ITGAL: variants seen among roughly 807,000 people sequenced by gnomAD.
The protein encoded by ITGAL is integrin alpha-L.
A neutral mutation model predicts 138.4 loss-of-function variants in ITGAL; 68 were observed. The ratio of observed to expected loss-of-function variants is 0.49; its 90% CI spans 0.40 to 0.60. ITGAL has a LOEUF of 0.60. Among genes scored for constraint, ITGAL ranks in the 20% least tolerant of loss-of-function variants. The pLI, the probability that ITGAL is intolerant of heterozygous loss-of-function variation, is 0.00. For missense variants in ITGAL, 1,256 were observed against 1,478.6 expected, an observed-to-expected ratio of 0.85 and a Z score of 2.47; for synonymous variants, 561 against 584.3, an observed-to-expected ratio of 0.96 and a Z score of 0.57.
chr16:30,496,435 G>A lies in ITGAL; in HGVS notation c.1702-1G>A, dbSNP rs774445571. On this transcript the variant is annotated splice_acceptor_variant, in intron 14 of 30. Coordinates refer to ENST00000356798, the MANE Select transcript of ITGAL (RefSeq NM_002209.3). LOFTEE classifies it high-confidence loss of function. ...AGTGGCAATTTCTTTCTTGCTCTCA[G>A]CGGATAGAAGGGACCCAAGTGCTCT... The A allele has an allele frequency of 6.2e-7, 1 of 1,613,918 alleles. No homozygotes were observed.
chr16:30,481,141 AAAACAC>A (rs1272790210), intron 6 of ITGAL: 23 of 211,602 alleles, frequency 1.1e-4, no homozygotes, highest in Middle Eastern at 1.4e-3. Context: ...GTCTCTACTA[AAAACAC>A]ACACACACAC....
At chr16:30,519,696 G>A (rs923663626) in intron 29 of ITGAL, 161 bp from the exon 30 acceptor site, 4 of 651,318 alleles carry the variant, frequency 6.1e-6, no homozygotes, top group African/African-American at 5.4e-5. Context: ...TCATGGCAGC[G>A]ACTGCAATAG....
chr16:30,489,622 T>C (rs1309315184), intron 11 of ITGAL, among the ~76,000 whole-genome samples: 1 of 152,160 alleles, frequency 6.6e-6, no homozygotes, highest in East Asian at 1.9e-4. Context: ...TTCCTAGAGA[T>C]AGTAAACAAC....
intron 4 of ITGAL, among the ~76,000 whole-genome samples, chr16:30,478,329 G>A (rs1473337711): frequency 7.0e-5 from 10 of 142,750 alleles, no homozygotes; most frequent in African/African-American, 2.3e-4. Flanking sequence ...GCGAGACTCC[G>A]TCAAAAAAAA....
intron 18 of ITGAL, 177 bp from the exon 19 acceptor site, chr16:30,505,066 TG>T: frequency 2.2e-6 from 1 of 450,088 alleles, no homozygotes. Flanking sequence ...ACTGCACAAA[TG>T]GCAGTAGGCT....
chr16:30,490,149 C>T (rs1323287810), intron 11 of ITGAL, among the ~76,000 whole-genome samples: 1 of 151,114 alleles, frequency 6.6e-6, no homozygotes, highest in Non-Finnish European at 1.5e-5. Context: ...ATCGCTTGAA[C>T]CCAGGAGGCG....
At chr16:30,505,875 A>AAAAATAAAAAGCAAAT (rs1265346850) in intron 20 of ITGAL, among the ~76,000 whole-genome samples, 3 of 152,200 alleles carry the variant, frequency 2.0e-5, no homozygotes, top group Admixed American at 2.0e-4. Flanking sequence ...TCTATCTCTA[A>AAAAATAAAAAGCAAAT]AAAATAAAAA....
intron 29 of ITGAL, 70 bp from the exon 30 acceptor site, chr16:30,519,787 G>T: frequency 1.0e-6 from 1 of 998,440 alleles, no homozygotes; most frequent in Non-Finnish European, 1.6e-6. Flanking sequence ...ATGGGGAATG[G>T]AACCAGGTTC....
At chr16:30,490,684 C>T (rs1443063866) in intron 11 of ITGAL, among the ~76,000 whole-genome samples, 1 of 152,108 alleles carries the variant, frequency 6.6e-6, no homozygotes, top group African/African-American at 2.4e-5. Flanking sequence ...AAACAACCTG[C>T]CTTATTAGTA....
chr16:30,498,850 G>A (rs2050842481), intron 15 of ITGAL: 1 of 492,436 alleles, frequency 2.0e-6, no homozygotes. Flanking sequence ...GTAGTGAGCT[G>A]TTATCATGCC....
At chr16:30,474,747 A>G (rs2050443924) in intron 2 of ITGAL, 1 of 162,540 alleles carries the variant, frequency 6.2e-6, no homozygotes, top group Non-Finnish European at 1.3e-5. Flanking sequence ...TGGGCCTCAG[A>G]GACTGTAAAT....
chr16:30,505,165 C>G (rs2050967725), intron 18 of ITGAL, 79 bp from the exon 19 acceptor site: 1 of 1,366,892 alleles, frequency 7.3e-7, no homozygotes, highest in Admixed American at 2.5e-5. Flanking sequence ...AAGCCCCTGC[C>G]CCTCCAGCTC....
Position 30,491,736 on chromosome 16 carries a change from TC to T in ITGAL, c.1213+2355del, listed in dbSNP as rs1381648088. Among the ~76,000 whole-genome samples, 5 of 152,002 alleles carry T rather than the reference TC, an allele frequency of 3.3e-5. No homozygotes were observed. In the South Asian group the frequency reaches 6.2e-4, roughly 19 times the overall value. On this transcript the variant is annotated intron_variant, in intron 11 of 30. Coordinates refer to ENST00000356798, the MANE Select transcript of ITGAL (RefSeq NM_002209.3). ...GCCTTGACCTCCTGGCTTTGAGCAA[TC>T]CCCCTTCCTCAGCCTCCCAAAGTGC...
intron 11 of ITGAL, among the ~76,000 whole-genome samples, chr16:30,490,194 C>T (rs1165450400): frequency 6.9e-6 from 1 of 145,570 alleles, no homozygotes; most frequent in Non-Finnish European, 1.5e-5. Context: ...TGCCACTGCA[C>T]TCCAGCCAAG....
At chr16:30,505,051 G>T in intron 18 of ITGAL, 193 bp from the exon 19 acceptor site, 2 of 434,196 alleles carry the variant, frequency 4.6e-6, no homozygotes, top group Non-Finnish European at 4.1e-6. Flanking sequence ...TGCCAGCAGA[G>T]TAAGACTGCA....
In ITGAL at chr16:30,473,592, C is replaced by T. The variant is rs577353873; in HGVS notation, c.62-604C>T. Among the ~76,000 whole-genome samples, 187 of 152,318 alleles carry T rather than the reference C, an allele frequency of 1.2e-3. 1 individual carries two copies. The highest frequency in any genetic ancestry group is 4.3e-3 in the African/African-American group (178 of 41,572). ...ACAAATGAAGGCCCAGCCTCCATGA[C>T]ATTCTAGGATGCTCTGAACTAAACT... is the stretch of plus-strand genomic sequence containing the variant. On this transcript the variant is annotated intron_variant, in intron 1 of 30. Coordinates refer to ENST00000356798, the MANE Select transcript of ITGAL (RefSeq NM_002209.3).
intron 29 of ITGAL, among the ~76,000 whole-genome samples, chr16:30,519,436 A>G (rs1001798414): frequency 3.7e-4 from 56 of 152,132 alleles, no homozygotes; most frequent in Non-Finnish European, 6.5e-4. Context: ...TACCAAGCCA[A>G]GTCAGACAGT....
At position 30,494,506 on chromosome 16, in the gene ITGAL, G is replaced by A. The variant is rs2050772462; in HGVS notation, c.1365+143G>A. The A allele has an allele frequency of 8.9e-7, 1 of 1,120,786 alleles. No homozygotes were observed. Among genetic ancestry groups the A allele is most frequent in the South Asian group, 1.7e-5 (1 of 58,148 alleles). The allele number at this position is 1,120,786 out of a possible 1,614,324, so 69.4% of individuals were successfully genotyped here. On this transcript the variant is annotated intron_variant, in intron 12 of 30. Transcript: ENST00000356798. This position sits in a 1 kb window ranked among gnomAD's most constrained non-coding sequence, Gnocchi z 4.2. ...TCACATTTATCCCTCATAACACACA[G>A]AGGTAAGCCCTGTCATCTCCCTCTC...
At position 30,485,054 on chromosome 16, in the gene ITGAL, A is replaced by G. The variant is rs184711404; in HGVS notation, c.1006+791A>G. 2.7e-3 allele frequency among the ~76,000 whole-genome samples: 415 copies of G among 152,224 alleles called. 3 individuals are homozygous for G. The highest frequency in any genetic ancestry group is 9.6e-3 in the African/African-American group (398 of 41,546). ...TTGCCTAAATAAAACAGACCTTTAG[A>G]AGGAATTTAGGAGAGGGCCATTTGA... On this transcript the variant is annotated intron_variant, in intron 9 of 30. Transcript: ENST00000356798.
Sources: allele counts gnomAD v4.1 joint callset (sites outside exome capture counted in the v4.1 genomes callset), GRCh38; gene constraint gnomAD v4.1.1; non-coding constraint Gnocchi (gnomAD v3.1); transcripts MANE v1.5; gene names NCBI Gene and HGNC (gene_info 2026-07-23, HGNC 2026-07-21).